CALN1: variants seen among roughly 807,000 people sequenced by gnomAD.
CALN1 encodes calcium-binding protein 8.
CALN1 carries 17 observed loss-of-function variants against 30.6 expected under a neutral mutation model. The ratio of observed to expected loss-of-function variants is 0.56; its 90% confidence interval spans 0.38 to 0.83. The LOEUF is 0.83. Ranked by LOEUF, CALN1 falls within the 40% of genes least tolerant of loss-of-function variation. The pLI is 0.00. For synonymous variants in CALN1, 156 were observed against 131.4 expected, an observed-to-expected ratio of 1.19 and a Z score of -1.28; for missense variants, 291 against 354.9, an observed-to-expected ratio of 0.82 and a Z score of 1.45.
chr7:72,453,276 C>T, the CALN1 span, among the ~76,000 whole-genome samples: 10 of 152,364 alleles, frequency 6.6e-5, no homozygotes, highest in African/African-American at 2.4e-4. Context: ...CGTGACTGCT[C>T]CTGCATAGCA....
chr7:71,861,799 A>G lies in CALN1; in HGVS notation c.502-51307T>C, dbSNP rs76783770. On this transcript the variant is annotated intron_variant, in intron 5 of 6. Transcript: ENST00000395275. ...ATCCAAAAAAAAAAAAAAAAAAAAA[A>G]AGAGAGAGAGAGTAATGTCCAAAAC... Among the ~76,000 whole-genome samples, 73 of 148,104 alleles carry G rather than the reference A, an allele frequency of 4.9e-4. No individual in the cohort carries two copies. In the East Asian group the frequency reaches 5.3e-3, roughly 11 times the overall value.
At chr7:72,160,225 G>C (rs915844739) in intron 3 of CALN1, among the ~76,000 whole-genome samples, 1 of 152,048 alleles carries the variant, frequency 6.6e-6, no homozygotes, top group Admixed American at 6.6e-5. Flanking sequence ...CCACAGGAAG[G>C]AAGAGACATC....
chr7:72,219,160 G>T (rs1209496221), intron 3 of CALN1, among the ~76,000 whole-genome samples: 1 of 152,146 alleles, frequency 6.6e-6, no homozygotes, highest in Non-Finnish European at 1.5e-5. Flanking sequence ...CTGACCACGG[G>T]CATAGAAGAG....
chr7:72,294,146 T>C (rs950505661), intron 2 of CALN1, among the ~76,000 whole-genome samples: 1 of 152,068 alleles, frequency 6.6e-6, no homozygotes, highest in African/African-American at 2.4e-5. Flanking sequence ...CTTCTGAAGA[T>C]TCCTCCAGAA....
At chr7:72,336,812 G>A (rs1331154440) in intron 2 of CALN1, 2 of 984,926 alleles carry the variant, frequency 2.0e-6, no homozygotes, top group East Asian at 1.1e-4. Flanking sequence ...TGGATGCGCC[G>A]AGCGGGCAGC....
chr7:71,795,027 CTTTTT>C (rs1562784747), intron 6 of CALN1, among the ~76,000 whole-genome samples: 1 of 151,650 alleles, frequency 6.6e-6, no homozygotes, highest in Non-Finnish European at 1.5e-5. Flanking sequence ...TTTTTCTTTT[CTTTTT>C]TTCTTTTTTG....
intron 5 of CALN1, among the ~76,000 whole-genome samples, chr7:71,839,941 C>T (rs1332735541): frequency 6.6e-6 from 1 of 152,132 alleles, no homozygotes; most frequent in Non-Finnish European, 1.5e-5. Context: ...GCCCAGGTCA[C>T]ATGCAGTGCC....
intron 5 of CALN1, among the ~76,000 whole-genome samples, chr7:71,890,425 C>T (rs986810653): frequency 6.6e-5 from 10 of 152,114 alleles, no homozygotes; most frequent in African/African-American, 2.2e-4. Flanking sequence ...ACTCATCTTC[C>T]CTTCCCTCCT....
Position 72,313,725 on chromosome 7 carries a change from T to C in CALN1, c.120-34915A>G, listed in dbSNP as rs76854430. Among the ~76,000 whole-genome samples the C allele has an allele frequency of 7.3e-3, 1,107 of 152,156 alleles. 17 individuals are homozygous for C. Among genetic ancestry groups the C allele is most frequent in the African/African-American group, 0.025 (1,053 of 41,518 alleles). ...ATTAAAAAATTTAATGATGGGACTATATATGAGACTTCTGGCTAATAATTG... is the reference window on the plus strand; with the variant it reads ...ATTAAAAAATTTAATGATGGGACTACATATGAGACTTCTGGCTAATAATTG... On this transcript the variant is annotated intron_variant, in intron 2 of 6. Transcript: ENST00000395275.
chr7:71,895,307 T>G (rs1481592465), intron 5 of CALN1, among the ~76,000 whole-genome samples: 1 of 149,592 alleles, frequency 6.7e-6, no homozygotes, highest in South Asian at 2.1e-4. Flanking sequence ...CTTGACAATT[T>G]TCTCTCTTTT....
chr7:72,240,341 C>T (rs752470358), intron 3 of CALN1, among the ~76,000 whole-genome samples: 10 of 152,018 alleles, frequency 6.6e-5, no homozygotes, highest in African/African-American at 9.7e-5. Flanking sequence ...ACTATAAGGA[C>T]GTGCCACCGT....
At chr7:72,103,170 C>T (rs1806815736) in intron 4 of CALN1, 1 of 153,804 alleles carries the variant, frequency 6.5e-6, no homozygotes, top group Non-Finnish European at 1.5e-5. Flanking sequence ...GCACAAATCT[C>T]TGAATCTAGC....
intron 5 of CALN1, among the ~76,000 whole-genome samples, chr7:71,948,723 T>A (rs1323956603): frequency 2.9e-5 from 4 of 140,160 alleles, no homozygotes; most frequent in Admixed American, 7.5e-5. Context: ...AGAGAGAGAC[T>A]CTGTCTCAAA....
In CALN1 at chr7:72,237,306, G is replaced by T. The variant is rs903637976; in HGVS notation, c.244+41380C>A. ...GCCCTGGGGAATTCTTATTATACCG[G>T]TAAGGGAAGATCAAATGGATTTGAG... On this transcript the variant is annotated intron_variant, in intron 3 of 6. Coordinates refer to ENST00000395275, the MANE Select transcript of CALN1 (RefSeq NM_031468.4). Among the ~76,000 whole-genome samples the T allele has an allele frequency of 1.3e-4, 20 of 152,086 alleles. 2 individuals are homozygous for T. Among genetic ancestry groups the T allele is most frequent in the Admixed American group, 1.2e-3 (19 of 15,260 alleles).
intron 5 of CALN1, among the ~76,000 whole-genome samples, chr7:71,868,002 T>A (rs17424992): frequency 6.6e-6 from 1 of 152,254 alleles, no homozygotes; most frequent in South Asian, 2.1e-4. Context: ...TTTATTTTAA[T>A]GTACGGTCTT....
intron 4 of CALN1, among the ~76,000 whole-genome samples, chr7:72,054,741 C>G (rs1280560505): frequency 4.0e-5 from 6 of 151,824 alleles, no homozygotes; most frequent in African/African-American, 1.5e-4. Flanking sequence ...AGGGGAACAA[C>G]AGATACTGGG....
chr7:72,168,951 G>GCCCC (rs1033419889), intron 3 of CALN1, among the ~76,000 whole-genome samples: 3 of 151,450 alleles, frequency 2.0e-5, no homozygotes, highest in Non-Finnish European at 4.4e-5. Flanking sequence ...GATTACAGGT[G>GCCCC]CCCCCCAACA....
At chr7:72,082,465 T>C (rs1048494811) in intron 4 of CALN1, among the ~76,000 whole-genome samples, 4 of 152,164 alleles carry the variant, frequency 2.6e-5, no homozygotes, top group Non-Finnish European at 5.9e-5. Flanking sequence ...CCTCCCTCCA[T>C]GGCTGAGGTC....
intron 5 of CALN1, among the ~76,000 whole-genome samples, chr7:71,970,835 G>C (rs1356568885): frequency 1.3e-5 from 2 of 152,142 alleles, no homozygotes; most frequent in Non-Finnish European, 2.9e-5. Flanking sequence ...CAAATGGCAA[G>C]ACCTACAATT....
Sources: gnomAD v4.1 joint callset for allele counts (sites outside exome capture counted in the v4.1 genomes callset) on GRCh38, gnomAD v4.1.1 for gene constraint, MANE v1.5 for transcripts, NCBI Gene and HGNC (gene_info 2026-07-23, HGNC 2026-07-21) for gene names.